LPIN1: variants seen among roughly 807,000 people sequenced by gnomAD.
The protein encoded by LPIN1 is phosphatidate phosphatase LPIN1.
LPIN1 carries 71 observed loss-of-function variants against 107.5 expected under a neutral mutation model. The observed-to-expected ratio is 0.66, with a 90% CI of 0.55 to 0.80. The LOEUF (loss-of-function observed/expected upper bound fraction) is 0.80. Ranked by LOEUF, LPIN1 falls within the 30% of genes least tolerant of loss-of-function variation. The pLI is 0.00. For synonymous variants in LPIN1, 445 were observed against 452.6 expected (o/e 0.98, Z 0.21); for missense variants, 1,043 against 1,160.6 (o/e 0.90, Z 1.47).
rs1300262348 is a variant in LPIN1, at chr2:11,680,383, T to G, written c.81+2655T>G. On this transcript the variant is annotated intron_variant, in intron 1 of 21. Coordinates refer to the LPIN1 transcript ENST00000449576. ...GCTTGGTCTCTGCGCCACAAGTATT[T>G]CTGGGCCCTGAGTGTGTGCAGAGCT... 5.3e-5 allele frequency among the ~76,000 whole-genome samples: 8 copies of G among 152,120 alleles called. 1 individual carries two copies. Among genetic ancestry groups the G allele is most frequent in the Non-Finnish European group, 1.2e-4 (8 of 68,032 alleles).
intron 17 of LPIN1, among the ~76,000 whole-genome samples, chr2:11,810,383 G>A (rs1201400111): frequency 2.7e-5 from 4 of 148,616 alleles, no homozygotes; most frequent in African/African-American, 9.7e-5. Context: ...GGAAGTAGGA[G>A]CGAGAGGGGA....
chr2:11,734,991 T>G (rs982380645), intron 1 of LPIN1, among the ~76,000 whole-genome samples: 4 of 151,988 alleles, frequency 2.6e-5, no homozygotes, highest in African/African-American at 9.7e-5. Context: ...GACCAGAAGG[T>G]TATTCAGAAA....
intron 1 of LPIN1, among the ~76,000 whole-genome samples, chr2:11,735,636 T>C (rs1665721636): frequency 6.6e-6 from 1 of 152,162 alleles, no homozygotes; most frequent in African/African-American, 2.4e-5. Context: ...ACGAATGAAG[T>C]CCTCAGAGTA....
chr2:11,712,139 C>T lies in LPIN1; in HGVS notation c.82-1617C>T, dbSNP rs117342926. ...CCCTGCCTCCTTGCCCCCTGATCCC[C>T]CCGGCATCCCCTTATGCCCACTGCA... On this transcript the variant is annotated intron_variant, in intron 1 of 21. Coordinates refer to the LPIN1 transcript ENST00000449576. Among the ~76,000 whole-genome samples, 113 of 152,358 alleles carry T rather than the reference C, an allele frequency of 7.4e-4. No individual in the cohort carries two copies. The East Asian group carries it at 0.018, about 24-fold the overall frequency.
At chr2:11,686,771 G>C (rs1167958394) in intron 1 of LPIN1, among the ~76,000 whole-genome samples, 1 of 152,084 alleles carries the variant, frequency 6.6e-6, no homozygotes, top group Non-Finnish European at 1.5e-5. Flanking sequence ...CCCTCACAGT[G>C]TTTGCAGTTG....
intron 1 of LPIN1, among the ~76,000 whole-genome samples, chr2:11,710,056 TG>T (rs1663330488): frequency 1.3e-5 from 2 of 152,210 alleles, no homozygotes; most frequent in South Asian, 4.1e-4. Flanking sequence ...TGCCGTGAGC[TG>T]GTCACTTTCA....
intron 1 of LPIN1, among the ~76,000 whole-genome samples, chr2:11,724,811 T>G (rs1664435606): frequency 6.6e-6 from 1 of 152,256 alleles, no homozygotes; most frequent in Admixed American, 6.5e-5. Context: ...GTTTTGATTC[T>G]GTTTGCTGGT....
At chr2:11,741,386 C>T (rs1666347131) in exon 2 of LPIN1, 3 of 1,550,234 alleles carry the variant, frequency 1.9e-6, no homozygotes, top group Admixed American at 3.9e-5. Context: ...TTCAAGGCCA[C>T]CTGCTTAACA....
At position 11,791,934 on chromosome 2, in the gene LPIN1, G is replaced by A. The variant is rs370314515; in HGVS notation, c.1734G>A (p.Met578Ile). ...PLPKATVESI[M>I]RDKMPKKGGR... ...AACAGGCCACTGTGGAATCTATCAT[G>A]AGGGATAAAATGCCCAAAAAGGGAG... The change falls in exon 13 of 21, where the codon ATG becomes ATA. Residue 578 changes from methionine (M) to isoleucine (I), a missense_variant. Transcript: ENST00000674199. The A allele has an allele frequency of 1.1e-5, 17 of 1,613,862 alleles. No individual in the cohort carries two copies. The highest frequency in any genetic ancestry group is 1.3e-5 in the Non-Finnish European group (15 of 1,179,888).
At chr2:11,684,614 G>A (rs866211592) in intron 1 of LPIN1, among the ~76,000 whole-genome samples, 1 of 152,184 alleles carries the variant, frequency 6.6e-6, no homozygotes, top group East Asian at 1.9e-4. Context: ...ATGTTCATGT[G>A]ACTTGGCCCA....
chr2:11,724,310 A>G (rs1189080854), upstream of LPIN1: 5 of 984,542 alleles, frequency 5.1e-6, no homozygotes, highest in South Asian at 4.7e-5. Context: ...CCGCCCAACA[A>G]TGGCCTTTCC....
chr2:11,784,303 CAAAAAAA>C (rs71394768), intron 9 of LPIN1: 34 of 827,090 alleles, frequency 4.1e-5, no homozygotes, highest in South Asian at 1.5e-4. Context: ...GACTCCATCT[CAAAAAAA>C]AAAAAAAAAA....
intron 14 of LPIN1, among the ~76,000 whole-genome samples, chr2:11,796,465 C>A (rs11695610): frequency 6.6e-6 from 1 of 152,108 alleles, no homozygotes; most frequent in African/African-American, 2.4e-5. Context: ...GGGAAATGAC[C>A]TGATTTCTTT....
chr2:11,771,276 T>G lies in LPIN1; in HGVS notation c.289-96T>G. The stretch of plus-strand genomic sequence containing the variant: ...GCTGTGGCCCTCCCCAGGAGGTGCT[T>G]GGCCTCTGAAGTGAATCCTGGAGGC... On this transcript the variant is annotated intron_variant, in intron 3 of 20. Coordinates refer to ENST00000674199, the MANE Select transcript of LPIN1 (RefSeq NM_001349206.2). The surrounding 1 kb of genome is among the most constrained non-coding windows in gnomAD (Gnocchi z 4.8). 1.6e-6 allele frequency: 2 copies of G among 1,229,052 alleles called. No individual in the cohort carries two copies. The highest frequency in any genetic ancestry group is 2.4e-6 in the Non-Finnish European group (2 of 838,796). 76.1% of individuals were successfully genotyped at this position (1,229,052 alleles called of 1,614,324 possible).
chr2:11,802,225 T>C (rs1410661148), intron 14 of LPIN1, among the ~76,000 whole-genome samples: 1 of 152,210 alleles, frequency 6.6e-6, no homozygotes, highest in East Asian at 1.9e-4. Flanking sequence ...ATTACAGATA[T>C]GCATTATGTG....
chr2:11,811,100 GT>G, intron 17 of LPIN1, among the ~76,000 whole-genome samples: 1 of 152,260 alleles, frequency 6.6e-6, no homozygotes, highest in South Asian at 2.1e-4. Context: ...GGTATTGTTG[GT>G]TTTCCCCAAG....
At chr2:11,723,100 C>G (rs1366160767), upstream of LPIN1, among the ~76,000 whole-genome samples, 1 of 152,208 alleles carries the variant, frequency 6.6e-6, no homozygotes, top group Non-Finnish European at 1.5e-5. Context: ...AATTTACCTT[C>G]CAAATGTGGC....
intron 18 of LPIN1, among the ~76,000 whole-genome samples, chr2:11,815,829 C>T (rs1680486335): frequency 6.6e-6 from 1 of 152,146 alleles, no homozygotes; most frequent in African/African-American, 2.4e-5. Flanking sequence ...TTCCTCCCTT[C>T]ACCTATGGGG....
At chr2:11,753,087 T>C (rs10169802) in intron 1 of LPIN1, among the ~76,000 whole-genome samples, 86,260 of 151,682 alleles carry the variant, frequency 0.57, 25,690 homozygotes, top group African/African-American at 0.7. Context: ...CTCCTGTCCC[T>C]GGGCAAGGAG....
Sources: gnomAD v4.1 joint callset for allele counts (sites outside exome capture counted in the v4.1 genomes callset) on GRCh38, gnomAD v4.1.1 for gene constraint, Gnocchi (gnomAD v3.1) non-coding constraint, MANE v1.5 for transcripts, NCBI Gene and HGNC (gene_info 2026-07-23, HGNC 2026-07-21) for gene names.